The following DLGAP1 variants were observed in gnomAD, a reference collection of about 807,000 sequenced individuals.
DLGAP1 encodes the protein DLG associated protein 1.
Under a neutral mutation model 90.8 loss-of-function variants are expected in DLGAP1, and 11 were observed. The ratio of observed to expected loss-of-function variants is 0.12; its 90% CI spans 0.08 to 0.20. The LOEUF (loss-of-function observed/expected upper bound fraction) is 0.20, where lower values mean the gene tolerates loss of function less well. DLGAP1 is among the 10% of genes least tolerant of loss of function. The pLI, the probability that DLGAP1 is intolerant of heterozygous loss-of-function variation, is 1.00. For missense variants in DLGAP1, 1,050 were observed against 1,333.8 expected (o/e 0.79, Z 3.31); for synonymous variants, 558 against 540.7 (o/e 1.03, Z -0.44).
In DLGAP1 at chr18:4,162,520, T is replaced by C. The variant is rs114973131; in HGVS notation, c.-266-11233A>G. ...TGCACCTACTAATCCAAGTCAATTATAACTACAAGGAAGTAAATAATCTGA... is the reference window on the plus strand; with the variant it reads ...TGCACCTACTAATCCAAGTCAATTACAACTACAAGGAAGTAAATAATCTGA... On this transcript the variant is annotated intron_variant, in intron 1 of 12. Transcript: ENST00000315677. Among the ~76,000 whole-genome samples the C allele has an allele frequency of 9.0e-3, 1,365 of 152,300 alleles. 18 individuals carry two copies. The highest frequency in any genetic ancestry group is 0.031 in the African/African-American group (1,307 of 41,544).
intron 1 of DLGAP1, among the ~76,000 whole-genome samples, chr18:4,389,791 T>C (rs2082304340): frequency 6.6e-6 from 1 of 152,210 alleles, no homozygotes; most frequent in Non-Finnish European, 1.5e-5. Flanking sequence ...TGTTATATTC[T>C]GTGTCACGAG....
intron 7 of DLGAP1, among the ~76,000 whole-genome samples, chr18:3,657,013 T>C (rs2059514998): frequency 6.6e-6 from 1 of 152,230 alleles, no homozygotes; most frequent in Non-Finnish European, 1.5e-5. Context: ...CCCAAAGTGC[T>C]GGGATTACAG....
chr18:3,858,708 T>C (rs896717811), intron 4 of DLGAP1, among the ~76,000 whole-genome samples: 2 of 152,086 alleles, frequency 1.3e-5, no homozygotes, highest in Non-Finnish European at 2.9e-5. Flanking sequence ...ATGTTACTCA[T>C]AGGCAAAGGG....
chr18:3,979,822 AATT>A (rs773372416), intron 3 of DLGAP1, among the ~76,000 whole-genome samples: 2 of 152,228 alleles, frequency 1.3e-5, no homozygotes, highest in South Asian at 2.1e-4. Flanking sequence ...AAATACACAC[AATT>A]ATTATTTGTC....
intron 1 of DLGAP1, among the ~76,000 whole-genome samples, chr18:4,372,042 C>A (rs1372368928): frequency 1.3e-5 from 2 of 152,198 alleles, no homozygotes; most frequent in African/African-American, 2.4e-5. Context: ...TATCAGCAGT[C>A]AAGCTGCACA....
chr18:4,042,798 C>T (rs547100770), intron 2 of DLGAP1, among the ~76,000 whole-genome samples: 72 of 152,230 alleles, frequency 4.7e-4, no homozygotes, highest in African/African-American at 1.4e-3. Context: ...TTCATAGCAA[C>T]GATGTATATC....
chr18:3,558,032 G>A (rs549512080), intron 9 of DLGAP1, among the ~76,000 whole-genome samples: 57 of 152,290 alleles, frequency 3.7e-4, no homozygotes, highest in African/African-American at 1.3e-3. Context: ...GTAATCTGTT[G>A]TTGTTGGATG....
intron 3 of DLGAP1, among the ~76,000 whole-genome samples, chr18:4,002,839 G>C (rs9947042): frequency 0.069 from 10,432 of 152,166 alleles, 946 homozygotes; most frequent in African/African-American, 0.21. Flanking sequence ...GAGAATATGT[G>C]CACAGTTCAG....
At chr18:3,951,062 T>C (rs573928387) in intron 3 of DLGAP1, among the ~76,000 whole-genome samples, 19 of 152,292 alleles carry the variant, frequency 1.2e-4, no homozygotes, top group African/African-American at 4.6e-4. Context: ...ATTTAAAAAG[T>C]CAATGTTTTG....
intron 3 of DLGAP1, among the ~76,000 whole-genome samples, chr18:3,921,278 C>T (rs2072263851): frequency 1.3e-5 from 2 of 152,086 alleles, no homozygotes; most frequent in African/African-American, 4.8e-5. Flanking sequence ...GAGAAGACAA[C>T]TTTAAAGTCC....
At chr18:4,446,275 T>C (rs2083665328) in intron 1 of DLGAP1, among the ~76,000 whole-genome samples, 1 of 152,174 alleles carries the variant, frequency 6.6e-6, no homozygotes, top group African/African-American at 2.4e-5. Context: ...GGATTGTTGC[T>C]CTTTTGGGGG....
In DLGAP1 at chr18:3,805,397, C is replaced by T. The variant is rs535119859; in HGVS notation, c.1172+8662G>A. ...GATTCAGAGATAATTTTTTAGCAAC[C>T]TGGTAGAAAGTCTTAGAGAAGGAGT... On this transcript the variant is annotated intron_variant, in intron 5 of 12. Transcript: ENST00000315677. 7.2e-5 allele frequency among the ~76,000 whole-genome samples: 11 copies of T among 152,228 alleles called. No individual in the cohort carries two copies. The South Asian group carries it at 2.3e-3, about 32-fold the overall frequency.
chr18:4,438,431 C>CAAAAAAAA (rs11389361), intron 1 of DLGAP1, among the ~76,000 whole-genome samples: 7 of 52,092 alleles, frequency 1.3e-4, no homozygotes, highest in Admixed American at 3.7e-4. Flanking sequence ...GACTCCATCT[C>CAAAAAAAA]AAAAAAAAAA....
At chr18:4,352,643 T>A (rs943947454) in intron 1 of DLGAP1, among the ~76,000 whole-genome samples, 2 of 152,100 alleles carry the variant, frequency 1.3e-5, no homozygotes, top group African/African-American at 4.8e-5. Flanking sequence ...ACTTGACAAC[T>A]TGTCTTTTCC....
intron 2 of DLGAP1, among the ~76,000 whole-genome samples, chr18:4,134,142 G>A (rs1180084708): frequency 4.6e-5 from 7 of 152,030 alleles, no homozygotes; most frequent in Middle Eastern, 3.2e-3. Flanking sequence ...CCATGTTAAC[G>A]AAATTTCCTA....
intron 9 of DLGAP1, among the ~76,000 whole-genome samples, chr18:3,557,048 T>C (rs546379643): frequency 6.6e-6 from 1 of 152,342 alleles, no homozygotes; most frequent in Non-Finnish European, 1.5e-5. Context: ...ATTTCTGTTA[T>C]AATTTTATTT....
intron 10 of DLGAP1, among the ~76,000 whole-genome samples, chr18:3,520,927 T>C (rs1179519905): frequency 6.6e-6 from 1 of 152,194 alleles, no homozygotes; most frequent in Non-Finnish European, 1.5e-5. Context: ...TCAGATCCCC[T>C]GGGTCTCCCA....
intron 3 of DLGAP1, among the ~76,000 whole-genome samples, chr18:3,968,633 C>G (rs1474291639): frequency 6.6e-6 from 1 of 152,118 alleles, no homozygotes; most frequent in Non-Finnish European, 1.5e-5. Flanking sequence ...TTAGAGAGAA[C>G]ACAGTAATAT....
intron 1 of DLGAP1, among the ~76,000 whole-genome samples, chr18:4,279,192 CTG>C: frequency 6.6e-6 from 1 of 152,340 alleles, no homozygotes; most frequent in South Asian, 2.1e-4. Flanking sequence ...CTTTAACTTT[CTG>C]TGTTTCTTCT....
Sources: allele counts gnomAD v4.1 joint callset (sites outside exome capture counted in the v4.1 genomes callset), GRCh38; gene constraint gnomAD v4.1.1; transcripts MANE v1.5; gene names NCBI Gene and HGNC (gene_info 2026-07-23, HGNC 2026-07-21).